The following ZNF205 variants were observed in gnomAD, a reference collection of about 807,000 sequenced individuals.
ZNF205 encodes the protein zinc finger protein 205.
In ZNF205, 32 loss-of-function variants were observed where a neutral mutation model predicts 53.6. The ratio of observed to expected loss-of-function variants is 0.60; its 90% CI spans 0.45 to 0.80. The LOEUF (loss-of-function observed/expected upper bound fraction) is 0.80. Among genes scored for constraint, ZNF205 ranks in the 30% least tolerant of loss-of-function variants. ZNF205 has a pLI of 0.00. For synonymous variants in ZNF205, 382 were observed against 334.3 expected (o/e 1.14, Z -1.56); for missense variants, 836 against 782.4 (o/e 1.07, Z -0.82).
In ZNF205 at chr16:3,113,499, G is replaced by T; in HGVS notation, c.57+12G>T. On this transcript the variant is annotated intron_variant, in intron 2 of 6. Transcript: ENST00000219091. ...AGACACCCCCGGAGGTACAGATGGG[G>T]CTGGCTGAGGGAGGTGTGCGGTAGA... 1 of 1,612,938 alleles carries T rather than the reference G, an allele frequency of 6.2e-7. No individual in the cohort carries two copies. The highest frequency in any genetic ancestry group is 8.5e-7 in the Non-Finnish European group (1 of 1,179,584).
At position 3,115,581 on chromosome 16, in the gene ZNF205, C is replaced by T. The variant is rs201446895; in HGVS notation, c.271+13C>T. On this transcript the variant is annotated intron_variant, in intron 3 of 6. Transcript: ENST00000219091. ...CTGCCTGGCGGAGGTAGGAGAGGGA[C>T]GGGGAAGAGGCGCTTTCCCAGGGAG... 37 of 1,578,250 alleles carry T rather than the reference C, an allele frequency of 2.3e-5. No homozygotes were observed. The highest frequency in any genetic ancestry group is 2.3e-4 in the African/African-American group (17 of 72,922).
chr16:3,120,115 C>CAA lies in ZNF205; in HGVS notation c.1456_1457insAA (p.Ser486LysfsTer52). 1 of 1,613,776 alleles carries CAA rather than the reference C, an allele frequency of 6.2e-7. No individual in the cohort carries two copies. Among genetic ancestry groups the CAA allele is most frequent in the Non-Finnish European group, 8.5e-7 (1 of 1,179,834 alleles). On this transcript the variant is annotated frameshift_variant, in exon 7 of 7. Coordinates refer to ENST00000219091, the MANE Select transcript of ZNF205 (RefSeq NM_001042428.2). LOFTEE classifies it high-confidence loss of function. ...ACTGCCTCGACTGCGGCAAGAGCTT[C>CAA]AGCCACAGCTCGCACCTCACCGCGC... is the stretch of plus-strand genomic sequence containing the variant.
At chr16:3,115,592 C>A in intron 3 of ZNF205, 24 bp downstream of exon 3, 1 of 1,562,332 alleles carries the variant, frequency 6.4e-7, no homozygotes. Context: ...GGGGAAGAGG[C>A]GCTTTCCCAG....
At chr16:3,115,737 G>A in intron 3 of ZNF205, 92 bp from the exon 4 acceptor site, 1 of 1,430,258 alleles carries the variant, frequency 7.0e-7, no homozygotes, top group Admixed American at 2.1e-5. Context: ...CCTGTCCTTG[G>A]GTCGGGCCAG....
intron 1 of ZNF205, 169 bp from the exon 2 acceptor site, chr16:3,113,248 T>C: frequency 3.3e-6 from 2 of 614,934 alleles, no homozygotes; most frequent in Non-Finnish European, 5.8e-6. Context: ...TGGGAGACTT[T>C]CTTTCCGATT....
chr16:3,118,836 G>T, intron 5 of ZNF205, 69 bp from the exon 6 acceptor site: 1 of 1,527,666 alleles, frequency 6.5e-7, no homozygotes, highest in East Asian at 2.3e-5. Flanking sequence ...CATCAGTTTT[G>T]GGGAGATGCT....
At chr16:3,115,724 G>A (rs1403821598) in intron 3 of ZNF205, 105 bp from the exon 4 acceptor site, 23 of 1,407,486 alleles carry the variant, frequency 1.6e-5, no homozygotes, top group Middle Eastern at 1.9e-4. Flanking sequence ...AGAGCCATCC[G>A]ACCCTGTCCT....
In ZNF205 at chr16:3,119,993, G is replaced by A. The variant is rs760466788; in HGVS notation, c.1333G>A (p.Val445Ile). 6.2e-7 allele frequency: 1 copy of A among 1,613,534 alleles called. No homozygotes were observed. Among genetic ancestry groups the A allele is most frequent in the Non-Finnish European group, 8.5e-7 (1 of 1,179,872 alleles). ...LVTHQRTHTG[V>I]KPYPCPECGK... ...CACCCACCAGCGCACCCACACTGGG[G>A]TCAAGCCCTATCCGTGCCCCGAGTG... The change falls in exon 7 of 7, where the codon GTC becomes ATC. Residue 445 changes from valine (V) to isoleucine (I), a missense_variant. Physicochemically the swap from Val to Ile is conservative, Grantham distance 29 (BLOSUM62 3). Transcript: ENST00000219091.
At chr16:3,115,750 G>A (rs1374075478) in intron 3 of ZNF205, 79 bp from the exon 4 acceptor site, 4 of 1,482,030 alleles carry the variant, frequency 2.7e-6, no homozygotes, top group Non-Finnish European at 3.7e-6. Context: ...CGGGCCAGGG[G>A]TGGAGTTTGA....
chr16:3,120,055 G>A lies in ZNF205; in HGVS notation c.1395G>A (p.Ala465=). Residue 465 remains alanine, a synonymous_variant, in exon 7 of 7, where the codon GCG becomes GCA. Coordinates refer to ENST00000219091, the MANE Select transcript of ZNF205 (RefSeq NM_001042428.2). ...KCFSQRSNLI[A]HNRTHTGEKP... ...TCAGCCAGCGTTCCAACCTCATCGCGCACAACCGCACACACACAGGCGAGA... is the reference window on the plus strand; with the variant it reads ...TCAGCCAGCGTTCCAACCTCATCGCACACAACCGCACACACACAGGCGAGA... 1 of 1,613,700 alleles carries A rather than the reference G, an allele frequency of 6.2e-7. No individual in the cohort carries two copies. The highest frequency in any genetic ancestry group is 1.1e-5 in the South Asian group (1 of 91,074).
chr16:3,115,474 G>T lies in ZNF205; in HGVS notation c.177G>T (p.Glu59Asp). Residue 59 changes from glutamate to aspartate, a missense_variant, in exon 3 of 7, where the codon GAG becomes GAT. Glu to Asp is a conservative substitution (Grantham distance 45). Coordinates refer to ENST00000219091, the MANE Select transcript of ZNF205 (RefSeq NM_001042428.2). ...IKMEPEEPHS[E>D]GASQEDGAQG... The stretch of plus-strand genomic sequence containing the variant: ...TGGAGCCCGAAGAGCCACACTCCGA[G>T]GGGGCATCGCAGGAGGATGGGGCTC... 1 of 1,611,310 alleles carries T rather than the reference G, an allele frequency of 6.2e-7. No homozygotes were observed. The highest frequency in any genetic ancestry group is 8.5e-7 in the Non-Finnish European group (1 of 1,178,742).
At position 3,120,256 on chromosome 16, in the gene ZNF205, C is replaced by A. The variant is rs1157968765; in HGVS notation, c.1596C>A (p.Ala532=). Residue 532 remains alanine (A), a synonymous_variant, in exon 7 of 7, where the codon GCC becomes GCA. Coordinates refer to ENST00000219091, the MANE Select transcript of ZNF205 (RefSeq NM_001042428.2). The part of the protein sequence containing the change: ...HEKIHTTGPK[A]LAMLMLGAAA... ...AGATCCACACCACCGGGCCCAAGGC[C>A]CTGGCCATGCTGATGCTGGGGGCGG... The A allele has an allele frequency of 1.2e-5, 19 of 1,604,872 alleles. No individual in the cohort carries two copies. The highest frequency in any genetic ancestry group is 1.6e-5 in the Non-Finnish European group (19 of 1,179,286).
chr16:3,115,474 G>C lies in ZNF205; in HGVS notation c.177G>C (p.Glu59Asp). The C allele has an allele frequency of 6.2e-7, 1 of 1,611,310 alleles. No homozygotes were observed. The highest frequency in any genetic ancestry group is 1.3e-5 in the African/African-American group (1 of 74,866). ...IKMEPEEPHS[E>D]GASQEDGAQG... ...TGGAGCCCGAAGAGCCACACTCCGAGGGGGCATCGCAGGAGGATGGGGCTC... is the reference window on the plus strand; with the variant it reads ...TGGAGCCCGAAGAGCCACACTCCGACGGGGCATCGCAGGAGGATGGGGCTC... The change falls in exon 3 of 7, where the codon GAG becomes GAC. Residue 59 changes from glutamate to aspartate, a missense_variant. Physicochemically the swap from Glu to Asp is conservative, Grantham distance 45 (BLOSUM62 2). Transcript: ENST00000219091.
At chr16:3,113,364 C>A in intron 1 of ZNF205, 53 bp from the exon 2 acceptor site, 1 of 1,586,344 alleles carries the variant, frequency 6.3e-7, no homozygotes, top group Non-Finnish European at 8.6e-7. Flanking sequence ...TGGCCAGAAG[C>A]TGGAGGGGGC....
chr16:3,113,005 C>A, intron 1 of ZNF205: 1 of 220,782 alleles, frequency 4.5e-6, no homozygotes, highest in South Asian at 6.2e-5. Flanking sequence ...CCTGGATTAC[C>A]CTGGCCTTGA....
At chr16:3,118,012 C>CTTT (rs71158135) in intron 5 of ZNF205, among the ~76,000 whole-genome samples, 20,121 of 73,816 alleles carry the variant, frequency 0.27, 3,560 homozygotes, top group Non-Finnish European at 0.32. Flanking sequence ...CCATGCCCGG[C>CTTT]TTTTTTTTTT....
intron 5 of ZNF205, 48 bp downstream of exon 5, chr16:3,116,595 G>C: frequency 6.3e-7 from 1 of 1,589,606 alleles, no homozygotes; most frequent in African/African-American, 1.3e-5. Flanking sequence ...GAGAGGTCCT[G>C]CTCTGCCGTC....
At chr16:3,116,389 G>A (rs771749360) in intron 4 of ZNF205, 38 bp from the exon 5 acceptor site, 9 of 1,611,862 alleles carry the variant, frequency 5.6e-6, no homozygotes, top group East Asian at 4.5e-5. Flanking sequence ...CCGTGTCCAC[G>A]TCATGTCCTG....
intron 6 of ZNF205, 110 bp from the exon 7 acceptor site, chr16:3,119,146 C>T (rs1214768257): frequency 2.7e-6 from 4 of 1,500,886 alleles, no homozygotes; most frequent in African/African-American, 2.8e-5. Context: ...GCGGCCCTTG[C>T]GCTTTCTGGT....
Sources: gnomAD v4.1 joint callset for allele counts (sites outside exome capture counted in the v4.1 genomes callset) on GRCh38, gnomAD v4.1.1 for gene constraint, MANE v1.5 for transcripts, NCBI Gene and HGNC (gene_info 2026-07-23, HGNC 2026-07-21) for gene names.